The following ANKRD13C variants were observed in gnomAD, a reference collection of about 807,000 sequenced individuals.
The protein encoded by ANKRD13C is ankyrin repeat domain-containing protein 13C.
Under a neutral mutation model 65.5 loss-of-function variants are expected in ANKRD13C, and 16 were observed. The observed-to-expected ratio is 0.24, with a 90% CI of 0.17 to 0.37. The LOEUF is 0.37. Ranked by LOEUF, ANKRD13C falls within the 10% of genes least tolerant of loss-of-function variation. The probability of loss-of-function intolerance (pLI) is 1.00; values close to 1 mark genes in which losing one functional copy is unlikely to be tolerated. For synonymous variants in ANKRD13C, 235 were observed against 238.7 expected, an observed-to-expected ratio of 0.98 and a Z score of 0.14; for missense variants, 503 against 655.9, an observed-to-expected ratio of 0.77 and a Z score of 2.55.
chr1:70,305,494 A>G (rs1680549466), intron 6 of ANKRD13C, among the ~76,000 whole-genome samples: 1 of 152,074 alleles, frequency 6.6e-6, no homozygotes, highest in South Asian at 2.1e-4. Flanking sequence ...ACACATACAC[A>G]AAATTATATA....
intron 8 of ANKRD13C, chr1:70,293,425 T>C (rs906104309): frequency 2.1e-5 from 7 of 330,902 alleles, no homozygotes; most frequent in African/African-American, 1.6e-4. Context: ...CCAGTCCACC[T>C]TGCAAAAAAA....
chr1:70,338,950 G>T (rs908972227), intron 1 of ANKRD13C, among the ~76,000 whole-genome samples: 48 of 152,084 alleles, frequency 3.2e-4, no homozygotes, highest in Non-Finnish European at 1.2e-4. Context: ...GGCCGGGCGC[G>T]GTGGCTCACG....
chr1:70,306,690 T>G (rs547510370), intron 5 of ANKRD13C, among the ~76,000 whole-genome samples: 1 of 152,286 alleles, frequency 6.6e-6, no homozygotes, highest in African/African-American at 2.4e-5. Flanking sequence ...TGCAGTAAAG[T>G]AATGTGTATA....
intron 1 of ANKRD13C, among the ~76,000 whole-genome samples, 172 bp from the exon 2 acceptor site, chr1:70,336,271 G>A (rs1485664924): frequency 6.6e-6 from 1 of 152,028 alleles, no homozygotes; most frequent in East Asian, 1.9e-4. Context: ...AAGATACCAT[G>A]ATTTCTGAGT....
intron 1 of ANKRD13C, among the ~76,000 whole-genome samples, chr1:70,350,056 T>C (rs900866569): frequency 1.3e-5 from 2 of 152,182 alleles, no homozygotes; most frequent in Non-Finnish European, 2.9e-5. Context: ...GACAGGAGAA[T>C]TGCTTGAACC....
intron 1 of ANKRD13C, among the ~76,000 whole-genome samples, chr1:70,349,339 T>C (rs187794131): frequency 1.4e-4 from 22 of 152,176 alleles, no homozygotes; most frequent in Admixed American, 5.9e-4. Context: ...TAATATTTCT[T>C]CCCCACCCAA....
chr1:70,343,871 C>A (rs1484411804), intron 1 of ANKRD13C, among the ~76,000 whole-genome samples: 2 of 152,160 alleles, frequency 1.3e-5, no homozygotes, highest in Non-Finnish European at 2.9e-5. Flanking sequence ...AAAACACTGG[C>A]CGGTACAGTG....
At chr1:70,299,984 A>T (rs895926860) in intron 7 of ANKRD13C, among the ~76,000 whole-genome samples, 2 of 152,204 alleles carry the variant, frequency 1.3e-5, no homozygotes, top group Non-Finnish European at 2.9e-5. Context: ...GAGAAGGAAA[A>T]TCATGTCGTA....
intron 4 of ANKRD13C, among the ~76,000 whole-genome samples, chr1:70,314,476 C>T (rs1043478454): frequency 2.0e-5 from 3 of 151,840 alleles, no homozygotes; most frequent in Admixed American, 1.3e-4. Flanking sequence ...CCACCCGCTT[C>T]GGCCTCCCAA....
chr1:70,315,334 C>A (rs1274629850), intron 4 of ANKRD13C, 147 bp downstream of exon 4: 12 of 559,878 alleles, frequency 2.1e-5, no homozygotes, highest in Non-Finnish European at 3.2e-5. Context: ...CACATTCATA[C>A]ACTAATTATT....
chr1:70,334,234 G>C (rs1681923126), intron 2 of ANKRD13C, among the ~76,000 whole-genome samples: 1 of 151,982 alleles, frequency 6.6e-6, no homozygotes, highest in East Asian at 1.9e-4. Context: ...CTGGAGACAA[G>C]AGGATCACTT....
At chr1:70,339,225 GCAAA>G (rs954669496) in intron 1 of ANKRD13C, among the ~76,000 whole-genome samples, 8 of 139,940 alleles carry the variant, frequency 5.7e-5, no homozygotes, top group Admixed American at 3.5e-4. Context: ...AAAAAAAAAA[GCAAA>G]CAAACTTGTC....
chr1:70,306,705 A>T (rs986189267), intron 5 of ANKRD13C, among the ~76,000 whole-genome samples: 38 of 152,206 alleles, frequency 2.5e-4, no homozygotes, highest in African/African-American at 9.2e-4. Flanking sequence ...TGTATAATAG[A>T]AAGAGACATC....
chr1:70,298,365 G>A (rs969506381), intron 7 of ANKRD13C, among the ~76,000 whole-genome samples: 199 of 152,226 alleles, frequency 1.3e-3, no homozygotes, highest in African/African-American at 4.4e-3. Flanking sequence ...AACATTTAAT[G>A]AAGTTATTAC....
At chr1:70,325,721 TA>T (rs1269028928) in intron 2 of ANKRD13C, among the ~76,000 whole-genome samples, 1 of 149,994 alleles carries the variant, frequency 6.7e-6, no homozygotes, top group African/African-American at 2.5e-5. Context: ...TACTAAAAAA[TA>T]AAAAAAATTA....
At chr1:70,333,784 A>G (rs1388503270) in intron 2 of ANKRD13C, among the ~76,000 whole-genome samples, 2 of 152,182 alleles carry the variant, frequency 1.3e-5, no homozygotes, top group Non-Finnish European at 2.9e-5. Context: ...AACAGCAGAC[A>G]CACCATAAGA....
intron 6 of ANKRD13C, 114 bp downstream of exon 6, chr1:70,306,110 C>T (rs763289673): frequency 5.1e-6 from 3 of 589,506 alleles, no homozygotes; most frequent in Non-Finnish European, 8.2e-6. Context: ...AATATTGTGA[C>T]TCTGTTACAG....
At chr1:70,275,543 T>A (rs1679093054) in intron 10 of ANKRD13C, among the ~76,000 whole-genome samples, 1 of 152,078 alleles carries the variant, frequency 6.6e-6, no homozygotes, top group Non-Finnish European at 1.5e-5. Context: ...ATTTCAAAGT[T>A]CAGTTTAATT....
At position 70,315,520 on chromosome 1, in the gene ANKRD13C, A is replaced by G; in HGVS notation, c.624T>C (p.Val208=). 4 of 1,608,944 alleles carry G rather than the reference A, an allele frequency of 2.5e-6. No homozygotes were observed. The highest frequency in any genetic ancestry group is 3.3e-4 in the Middle Eastern group (2 of 6,034). ...TTAATAATCGAGGTCGTTTTTCTTC[A>G]ACACTTTCCCTGGATTGCTGCTTAA... ...RKLKQQSRES[V]EEKRPRLLKA... Residue 208 remains valine (V), a synonymous_variant, in exon 4 of 13, where the codon GTT becomes GTC. Coordinates refer to ENST00000370944, the MANE Select transcript of ANKRD13C (RefSeq NM_030816.5).
Sources: gnomAD v4.1 joint callset for allele counts (sites outside exome capture counted in the v4.1 genomes callset) on GRCh38, gnomAD v4.1.1 for gene constraint, MANE v1.5 for transcripts, NCBI Gene and HGNC (gene_info 2026-07-23, HGNC 2026-07-21) for gene names.